Variants in XPO7 observed in about 807,000 individuals in gnomAD.
XPO7 encodes exportin-7.
Under a neutral mutation model 144.3 loss-of-function variants are expected in XPO7, and 21 were observed. The observed-to-expected ratio is 0.15, with a 90% CI of 0.10 to 0.21. The LOEUF is 0.21. Ranked by LOEUF, XPO7 falls within the 10% of genes least tolerant of loss-of-function variation. XPO7 has a pLI of 1.00. For missense variants in XPO7, 808 were observed against 1,325.8 expected (o/e 0.61, Z 6.06); for synonymous variants, 580 against 499.6 (o/e 1.16, Z -2.15).
At chr8:21,927,896 G>T (rs1810513822) in intron 1 of XPO7, among the ~76,000 whole-genome samples, 1 of 152,146 alleles carries the variant, frequency 6.6e-6, no homozygotes, top group Non-Finnish European at 1.5e-5. Context: ...AATGTAAACA[G>T]CACTCACAAA....
intron 1 of XPO7, among the ~76,000 whole-genome samples, chr8:21,920,980 G>T (rs571208052): frequency 6.6e-6 from 1 of 152,156 alleles, no homozygotes; most frequent in Non-Finnish European, 1.5e-5. Context: ...TAATTTTCAG[G>T]CCAGAGATCA....
intron 1 of XPO7, among the ~76,000 whole-genome samples, chr8:21,930,128 A>G (rs1230194965): frequency 3.3e-5 from 5 of 152,216 alleles, no homozygotes; most frequent in African/African-American, 1.2e-4. Context: ...TCTGGTTTCA[A>G]ACATGGTTTT....
At chr8:21,946,423 T>C (rs1471058890) in intron 1 of XPO7, among the ~76,000 whole-genome samples, 1 of 151,516 alleles carries the variant, frequency 6.6e-6, no homozygotes, top group Non-Finnish European at 1.5e-5. Context: ...TATTAGATAG[T>C]GTAGAAGAGA....
chr8:21,962,214 CTT>C (rs1270908718), intron 1 of XPO7, among the ~76,000 whole-genome samples: 1 of 152,124 alleles, frequency 6.6e-6, no homozygotes, highest in East Asian at 1.9e-4. Context: ...TAGTAAGTAA[CTT>C]TTGAGAGGTC....
At chr8:21,939,143 T>TA (rs1478488124) in intron 1 of XPO7, among the ~76,000 whole-genome samples, 2 of 152,154 alleles carry the variant, frequency 1.3e-5, no homozygotes, top group African/African-American at 4.8e-5. Flanking sequence ...ATATTCTTTC[T>TA]AAAAAATAGG....
At chr8:21,988,917 T>A in intron 15 of XPO7, 86 bp from the exon 16 acceptor site, 1 of 1,262,042 alleles carries the variant, frequency 7.9e-7, no homozygotes, top group South Asian at 1.3e-5. Context: ...TGACTTTTGA[T>A]GAATGACTTT....
At chr8:21,973,533 C>T (rs376544649) in intron 5 of XPO7, among the ~76,000 whole-genome samples, 1 of 152,048 alleles carries the variant, frequency 6.6e-6, no homozygotes, top group African/African-American at 2.4e-5. Flanking sequence ...TTGTGATTGT[C>T]AGATTCAAAA....
chr8:21,934,211 A>G (rs1485995829), intron 1 of XPO7, among the ~76,000 whole-genome samples: 1 of 152,184 alleles, frequency 6.6e-6, no homozygotes, highest in Non-Finnish European at 1.5e-5. Flanking sequence ...GTAATGAAAT[A>G]TTTTGGCCAG....
At position 21,970,177 on chromosome 8, in the gene XPO7, C is replaced by A; in HGVS notation, c.293C>A (p.Pro98Gln). The change falls in exon 4 of 28, where the codon CCG becomes CAG. Residue 98 changes from proline (P) to glutamine (Q), a missense_variant. Physicochemically the swap from Pro to Gln is moderately conservative, Grantham distance 76 (BLOSUM62 -1). Coordinates refer to ENST00000252512, the MANE Select transcript of XPO7 (RefSeq NM_015024.5). ...NYVLNYLATR[P>Q]KLATFVTQAL... ...GTGCTCAACTACCTTGCCACTCGGC[C>A]GAAGTTGGCTACTTTCGTGACACAA... The A allele has an allele frequency of 6.2e-7, 1 of 1,613,188 alleles. No individual in the cohort carries two copies.
chr8:21,949,937 C>G (rs905679809), intron 1 of XPO7, among the ~76,000 whole-genome samples: 19 of 152,214 alleles, frequency 1.2e-4, no homozygotes, highest in African/African-American at 4.3e-4. Flanking sequence ...GTTGGCCAGA[C>G]TGGTCTTGAA....
At chr8:21,929,214 A>G (rs1810561723) in intron 1 of XPO7, among the ~76,000 whole-genome samples, 1 of 152,292 alleles carries the variant, frequency 6.6e-6, no homozygotes, top group East Asian at 1.9e-4. Flanking sequence ...GGACAGTGCT[A>G]CTCTAGAATA....
At chr8:21,951,526 G>A (rs989959616) in intron 1 of XPO7, among the ~76,000 whole-genome samples, 6 of 152,120 alleles carry the variant, frequency 3.9e-5, no homozygotes, top group Non-Finnish European at 8.8e-5. Context: ...AGAAACATTC[G>A]AGAATTAGGG....
At position 21,919,787 on chromosome 8, in the gene XPO7, A is replaced by G; in HGVS notation, c.17A>G (p.Gln6Arg). The G allele has an allele frequency of 1.9e-6, 1 of 532,684 alleles. No homozygotes were observed. The highest frequency in any genetic ancestry group is 5.1e-5 in the Admixed American group (1 of 19,628). The allele number at this position is 532,684 out of a possible 1,614,324, so 33.0% of individuals were successfully genotyped here. A position where few individuals can be genotyped will look rare whatever the true frequency, so the allele number is the denominator to read the frequency against. Reference sequence around the variant, plus strand: ...TGGAGCAAAATGGCGGATCATGTGCAGGTGAGAGGAGCCGCGGGGGGGAGG... The same window carrying G: ...TGGAGCAAAATGGCGGATCATGTGCGGGTGAGAGGAGCCGCGGGGGGGAGG... MADHV[Q>R]SLAQLENLCK... Residue 6 changes from glutamine to arginine, a missense_variant and splice_region_variant, in exon 1 of 28, where the codon CAG becomes CGG. Physicochemically the swap from Gln to Arg is conservative, Grantham distance 43 (BLOSUM62 1). Coordinates refer to ENST00000252512, the MANE Select transcript of XPO7 (RefSeq NM_015024.5).
Position 21,985,685 on chromosome 8 carries a change from T to C in XPO7, c.1571T>C (p.Val524Ala). ...DEQDAMDGEL[V>A]CRVLQLMNLT... Reference sequence around the variant, plus strand: ...CAAGACGCCATGGATGGTGAGCTTGTCTGTCGGTAAGTGCTCCCCACAGAA... The same window carrying C: ...CAAGACGCCATGGATGGTGAGCTTGCCTGTCGGTAAGTGCTCCCCACAGAA... Residue 524 changes from valine (V) to alanine (A), a missense_variant, in exon 13 of 28, where the codon GTC (valine) becomes GCC (alanine). Transcript: ENST00000252512. 1 of 1,613,328 alleles carries C rather than the reference T, an allele frequency of 6.2e-7. No individual in the cohort carries two copies. Among genetic ancestry groups the C allele is most frequent in the South Asian group, 1.1e-5 (1 of 91,048 alleles).
At chr8:21,932,796 A>G (rs917451907) in intron 1 of XPO7, among the ~76,000 whole-genome samples, 3 of 152,218 alleles carry the variant, frequency 2.0e-5, no homozygotes, top group African/African-American at 4.8e-5. Flanking sequence ...CTAGTCGTCA[A>G]CTGTAGGCTA....
chr8:21,972,096 T>A (rs1812081148), intron 5 of XPO7, 155 bp downstream of exon 5: 2 of 607,758 alleles, frequency 3.3e-6, no homozygotes, highest in Non-Finnish European at 2.9e-6. Flanking sequence ...CATTGGGTTT[T>A]CCTCTGTAAT....
At chr8:21,951,866 G>A (rs193007685) in intron 1 of XPO7, among the ~76,000 whole-genome samples, 7 of 152,128 alleles carry the variant, frequency 4.6e-5, no homozygotes, top group African/African-American at 7.2e-5. Context: ...TACAGCTGTC[G>A]ATCCTAATGC....
Position 21,987,185 on chromosome 8 carries a change from C to G in XPO7, c.1622C>G (p.Ala541Gly). 2 of 1,613,982 alleles carry G rather than the reference C, an allele frequency of 1.2e-6. No individual in the cohort carries two copies. The highest frequency in any genetic ancestry group is 1.7e-6 in the Non-Finnish European group (2 of 1,179,886). ...MNLTDSRLAQ[A>G]GNEKLELAML... ...CTAACAGATTCTCGTTTGGCCCAGG[C>G]GGGTAATGAGAAGCTAGAGTTGGCC... The change falls in exon 14 of 28, where the codon GCG becomes GGG. Residue 541 changes from alanine (A) to glycine (G), a missense_variant. Ala to Gly is a moderately conservative substitution (Grantham distance 60). Coordinates refer to ENST00000252512, the MANE Select transcript of XPO7 (RefSeq NM_015024.5).
At chr8:21,936,335 TG>T (rs1810821231) in intron 1 of XPO7, among the ~76,000 whole-genome samples, 1 of 152,214 alleles carries the variant, frequency 6.6e-6, no homozygotes, top group African/African-American at 2.4e-5. Context: ...GAACAATTTT[TG>T]CCCTTTTGTT....
Sources: allele counts gnomAD v4.1 joint callset (sites outside exome capture counted in the v4.1 genomes callset), GRCh38; gene constraint gnomAD v4.1.1; transcripts MANE v1.5; gene names NCBI Gene and HGNC (gene_info 2026-07-23, HGNC 2026-07-21).